NCKAP5: variants seen among roughly 807,000 people sequenced by gnomAD.
The protein encoded by NCKAP5 is NCK associated protein 5, also known as nck-associated protein 5.
NCKAP5 carries 92 observed loss-of-function variants against 167.0 expected under a neutral mutation model. That is an observed-to-expected ratio of 0.55 (90% CI 0.47 to 0.66). The LOEUF (loss-of-function observed/expected upper bound fraction) is 0.66. Ranked by LOEUF, NCKAP5 falls within the 30% of genes least tolerant of loss-of-function variation. The pLI is 0.00. For missense variants in NCKAP5, 2,378 were observed against 2,315.0 expected (o/e 1.03, Z -0.56); for synonymous variants, 891 against 877.4 (o/e 1.02, Z -0.27).
chr2:133,417,629 A>C (rs544425035), intron 3 of NCKAP5, among the ~76,000 whole-genome samples: 2 of 152,338 alleles, frequency 1.3e-5, no homozygotes, highest in East Asian at 3.9e-4. Flanking sequence ...GCTTTTGACA[A>C]GATGGAGCTA....
intron 11 of NCKAP5, among the ~76,000 whole-genome samples, chr2:132,858,262 G>A (rs376284057): frequency 6.6e-6 from 1 of 152,220 alleles, no homozygotes; most frequent in South Asian, 2.1e-4. Context: ...CAGACATACT[G>A]GGCTGGAACA....
chr2:132,737,838 G>A (rs980348230), intron 16 of NCKAP5, among the ~76,000 whole-genome samples: 43 of 152,176 alleles, frequency 2.8e-4, no homozygotes, highest in Admixed American at 2.4e-3. Flanking sequence ...GGCATAACTG[G>A]ATTTGATTCA....
chr2:133,130,916 C>T (rs150701448), intron 5 of NCKAP5, among the ~76,000 whole-genome samples: 3 of 152,146 alleles, frequency 2.0e-5, no homozygotes, highest in Admixed American at 1.3e-4. Context: ...TGTTACTACA[C>T]TAAGCATTTT....
At chr2:132,730,460 A>G (rs1690887454) in intron 17 of NCKAP5, among the ~76,000 whole-genome samples, 1 of 152,186 alleles carries the variant, frequency 6.6e-6, no homozygotes, top group Non-Finnish European at 1.5e-5. Context: ...GCACCATTGC[A>G]CTCCAGCCTG....
chr2:133,581,851 C>T, the NCKAP5 span, among the ~76,000 whole-genome samples: 1 of 152,170 alleles, frequency 6.6e-6, no homozygotes. Context: ...AAAGCAGGGG[C>T]CATTTCTAAC....
chr2:133,094,196 G>C (rs2081276948), intron 6 of NCKAP5, among the ~76,000 whole-genome samples: 1 of 152,144 alleles, frequency 6.6e-6, no homozygotes, highest in South Asian at 2.1e-4. Context: ...AATTAGACTG[G>C]CACTGTGAAA....
intron 3 of NCKAP5, among the ~76,000 whole-genome samples, chr2:133,328,022 C>T (rs897365787): frequency 6.6e-5 from 10 of 152,108 alleles, no homozygotes; most frequent in Non-Finnish European, 1.2e-4. Flanking sequence ...AGACCAAATA[C>T]TCTCCACATC....
chr2:133,392,985 G>C (rs907875542), intron 3 of NCKAP5, among the ~76,000 whole-genome samples: 1 of 152,186 alleles, frequency 6.6e-6, no homozygotes, highest in African/African-American at 2.4e-5. Flanking sequence ...GCAGAGAACT[G>C]AGTCTAGAGT....
chr2:132,784,253 G>C lies in NCKAP5; in HGVS notation c.2558C>G (p.Ser853Ter), dbSNP rs765488919. 1 of 1,608,742 alleles carries C rather than the reference G, an allele frequency of 6.2e-7. No individual in the cohort carries two copies. Among genetic ancestry groups the C allele is most frequent in the South Asian group, 1.1e-5 (1 of 90,242 alleles). Residue 853 changes from serine (S) to a stop codon, truncating the protein, a stop_gained, in exon 14 of 20, where the codon TCA becomes TGA. Coordinates refer to ENST00000409261, the MANE Select transcript of NCKAP5 (RefSeq NM_207363.3). LOFTEE classifies it high-confidence loss of function. Reference protein sequence around the residue: ...KLSRFMKTESSGPLFELRSDP... With the variant: ...KLSRFMKTES ...TGATCGTAATTCAAAGAGGGGCCCT[G>C]AGCTCTCAGTCTTCATGAATCGTGA... is the stretch of plus-strand genomic sequence containing the variant.
At chr2:133,470,365 G>A (rs1051690878) in intron 3 of NCKAP5, among the ~76,000 whole-genome samples, 9 of 152,150 alleles carry the variant, frequency 5.9e-5, no homozygotes, top group Non-Finnish European at 7.3e-5. Flanking sequence ...GCAGTCTGCC[G>A]GTTCCCAGAT....
rs1680684608 is a variant in NCKAP5, at chr2:133,305,097, G to A, written c.70-1987C>T. On this transcript the variant is annotated intron_variant, in intron 3 of 19. Transcript: ENST00000409261. Reference sequence around the variant, plus strand: ...AACAGAAGGAAGCCAGTGGGTGCTGGGAACAGGGACTCAGGGATACTGGGT... The same window carrying A: ...AACAGAAGGAAGCCAGTGGGTGCTGAGAACAGGGACTCAGGGATACTGGGT... Among the ~76,000 whole-genome samples, 4 of 152,154 alleles carry A rather than the reference G, an allele frequency of 2.6e-5. No individual in the cohort carries two copies. In the South Asian group the frequency reaches 8.3e-4, roughly 32 times the overall value.
chr2:133,020,895 G>T (rs974850236), intron 6 of NCKAP5, among the ~76,000 whole-genome samples: 2 of 152,206 alleles, frequency 1.3e-5, no homozygotes, highest in Non-Finnish European at 2.9e-5. Flanking sequence ...GGAAGAATAA[G>T]AGCGGAGCCC....
At chr2:132,742,829 T>A (rs1479846397) in intron 16 of NCKAP5, among the ~76,000 whole-genome samples, 3 of 151,922 alleles carry the variant, frequency 2.0e-5, no homozygotes, top group Admixed American at 6.6e-5. Context: ...GGATCATTTA[T>A]TTTTCTTTTA....
intron 7 of NCKAP5, among the ~76,000 whole-genome samples, chr2:132,980,613 G>A (rs2077106260): frequency 6.6e-6 from 1 of 152,164 alleles, no homozygotes; most frequent in Non-Finnish European, 1.5e-5. Context: ...CTTCACCAGA[G>A]AGATGAACTT....
intron 5 of NCKAP5, among the ~76,000 whole-genome samples, chr2:133,168,150 T>C (rs975724476): frequency 1.3e-5 from 2 of 152,178 alleles, no homozygotes; most frequent in Non-Finnish European, 2.9e-5. Context: ...AAAGTCACAA[T>C]GCCAGAGCTG....
At chr2:132,774,057 AT>A (rs956623465) in intron 15 of NCKAP5, among the ~76,000 whole-genome samples, 163 bp from the exon 16 acceptor site, 83 of 152,238 alleles carry the variant, frequency 5.5e-4, no homozygotes, top group African/African-American at 1.9e-3. Context: ...TATAAAATAC[AT>A]TTTTTTCGTT....
chr2:133,604,329 T>C, the NCKAP5 span, among the ~76,000 whole-genome samples: 30 of 151,924 alleles, frequency 2.0e-4, no homozygotes, highest in Non-Finnish European at 1.5e-5. Context: ...CCTCAGCCCC[T>C]CGAGTAGCTG....
At chr2:133,493,934 G>C (rs995793779) in intron 3 of NCKAP5, among the ~76,000 whole-genome samples, 6 of 152,200 alleles carry the variant, frequency 3.9e-5, no homozygotes, top group African/African-American at 1.4e-4. Flanking sequence ...TTATCACTCT[G>C]TGGGAGGAAA....
intron 2 of NCKAP5, among the ~76,000 whole-genome samples, chr2:133,554,077 G>T (rs1429650194): frequency 6.6e-6 from 1 of 152,138 alleles, no homozygotes; most frequent in Non-Finnish European, 1.5e-5. Context: ...TGGCTGTAAA[G>T]CTCATGATGA....
Sources: allele counts gnomAD v4.1 joint callset (sites outside exome capture counted in the v4.1 genomes callset), GRCh38; gene constraint gnomAD v4.1.1; transcripts MANE v1.5; gene names NCBI Gene and HGNC (gene_info 2026-07-23, HGNC 2026-07-21).